BEST3: variants seen among roughly 807,000 people sequenced by gnomAD.
The protein encoded by BEST3 is bestrophin 3.
In BEST3, 50 loss-of-function variants were observed where a neutral mutation model predicts 47.1. The ratio of observed to expected loss-of-function variants is 1.06; its 90% CI spans 0.85 to 1.34. The LOEUF is 1.34. BEST3 is among the 40% of genes most tolerant of loss of function. The probability of loss-of-function intolerance (pLI) is 0.00; values close to 1 mark genes in which losing one functional copy is unlikely to be tolerated. For missense variants in BEST3, 765 were observed against 817.0 expected, an observed-to-expected ratio of 0.94 and a Z score of 0.78; for synonymous variants, 282 against 298.8, an observed-to-expected ratio of 0.94 and a Z score of 0.58.
At chr12:69,688,339 T>C (rs1885754325) in intron 4 of BEST3, among the ~76,000 whole-genome samples, 1 of 152,252 alleles carries the variant, frequency 6.6e-6, no homozygotes, top group Non-Finnish European at 1.5e-5. Context: ...CTGTTGCAGT[T>C]TCTCTGATAA....
At chr12:69,685,288 A>G (rs1013612454) in intron 4 of BEST3, among the ~76,000 whole-genome samples, 1 of 152,206 alleles carries the variant, frequency 6.6e-6, no homozygotes, top group Non-Finnish European at 1.5e-5. Flanking sequence ...TGCCTTCTCC[A>G]TAATCACACA....
intron 9 of BEST3, among the ~76,000 whole-genome samples, chr12:69,645,136 A>G (rs1056235380): frequency 3.9e-5 from 6 of 152,312 alleles, no homozygotes; most frequent in Admixed American, 2.0e-4. Context: ...GGGATGGCCA[A>G]TTGAATTACA....
In BEST3 at chr12:69,694,447, A is replaced by G. The variant is rs763900208; in HGVS notation, c.170T>C (p.Val57Ala). The G allele has an allele frequency of 6.2e-7, 1 of 1,602,476 alleles. No individual in the cohort carries two copies. Residue 57 changes from valine to alanine, a missense_variant, in exon 3 of 10, where the codon GTC (valine) becomes GCC (alanine). Coordinates refer to ENST00000330891, the MANE Select transcript of BEST3 (RefSeq NM_032735.3). The stretch of plus-strand genomic sequence containing the variant: ...TAATTTTTCAAAGTAACGTTTTTGG[A>G]CTCCTGTAAGTAACAATCTGGAGCA... ...SLVYRLLLTG[V>A]QKRYFEKLSI...
chr12:69,669,932 A>C (rs1884455740), intron 9 of BEST3: 2 of 152,738 alleles, frequency 1.3e-5, no homozygotes. Context: ...AATGGACATA[A>C]GAAATAGAGT....
intron 5 of BEST3, among the ~76,000 whole-genome samples, 188 bp from the exon 6 acceptor site, chr12:69,677,445 TGA>T (rs1225042454): frequency 6.6e-6 from 1 of 152,106 alleles, no homozygotes; most frequent in Non-Finnish European, 1.5e-5. Context: ...ATTGGAGCAA[TGA>T]GTTTGTTGAC....
chr12:69,675,675 T>C (rs1256375609), intron 7 of BEST3, among the ~76,000 whole-genome samples: 2 of 152,282 alleles, frequency 1.3e-5, no homozygotes, highest in African/African-American at 4.8e-5. Flanking sequence ...TAGTCTCTTC[T>C]GCTTTCTTGC....
In BEST3 at chr12:69,697,782, GAGTA is replaced by G. The variant is rs1886190177; in HGVS notation, c.13_16del (p.Tyr5ProfsTer4). 2 of 1,607,068 alleles carry G rather than the reference GAGTA, an allele frequency of 1.2e-6. No homozygotes were observed. The highest frequency in any genetic ancestry group is 1.7e-5 in the Admixed American group (1 of 58,046). Reference sequence around the variant, plus strand: ...AAAAGTTGCATTTGCTACTTTACTGGAGTAAGTGACAGTCATCTTGGATAGTTTT... The same window carrying G: ...AAAAGTTGCATTTGCTACTTTACTGGAGTGACAGTCATCTTGGATAGTTTT... On this transcript the variant is annotated frameshift_variant, in exon 2 of 10. Coordinates refer to ENST00000330891, the MANE Select transcript of BEST3 (RefSeq NM_032735.3). LOFTEE classifies it high-confidence loss of function.
At chr12:69,647,713 T>C (rs1380528810) in intron 9 of BEST3, among the ~76,000 whole-genome samples, 1 of 152,104 alleles carries the variant, frequency 6.6e-6, no homozygotes, top group East Asian at 1.9e-4. Context: ...GGATTTCTCA[T>C]ACAAAACTTC....
chr12:69,683,885 T>C (rs968046857), intron 4 of BEST3: 1 of 152,094 alleles, frequency 6.6e-6, no homozygotes, highest in African/African-American at 2.4e-5. Context: ...TGAAAGAAAA[T>C]CTCTAGGTTG....
chr12:69,651,784 AAG>A (rs1256890134), downstream of BEST3, among the ~76,000 whole-genome samples: 3,266 of 63,066 alleles, frequency 0.052, 44 homozygotes, highest in Middle Eastern at 0.17. Flanking sequence ...TCAAAAAAAA[AAG>A]AAAAAAAAAA....
rs201055197 is a variant in BEST3, at chr12:69,678,789, G to T, written c.586C>A (p.Arg196=). 5 of 1,613,892 alleles carry T rather than the reference G, an allele frequency of 3.1e-6. No homozygotes were observed. In the Admixed American group the frequency reaches 8.3e-5, roughly 27 times the overall value. ...IWFGNLATKA[R]NEGRIRDSVD... ...CTGTCTCTGATTCTACCTTCATTCC[G>T]GGCTTTAGTTGCAAGATTTCCAAAC... is the stretch of plus-strand genomic sequence containing the variant. The change falls in exon 5 of 10, where the codon CGG becomes AGG. Residue 196 remains arginine (R), a synonymous_variant. Transcript: ENST00000330891.
At chr12:69,687,373 C>T (rs1885677174) in intron 4 of BEST3, 1 of 152,158 alleles carries the variant, frequency 6.6e-6, no homozygotes, top group Admixed American at 6.6e-5. Flanking sequence ...TGGCTCACAC[C>T]AGAAATCCCA....
At chr12:69,645,214 C>T (rs1017852399) in intron 9 of BEST3, among the ~76,000 whole-genome samples, 12 of 152,168 alleles carry the variant, frequency 7.9e-5, no homozygotes, top group African/African-American at 2.9e-4. Flanking sequence ...TACCACACAT[C>T]CGCTAGAGGA....
intron 7 of BEST3, among the ~76,000 whole-genome samples, chr12:69,674,077 G>T (rs759337943): frequency 6.6e-6 from 1 of 151,988 alleles, no homozygotes; most frequent in African/African-American, 2.4e-5. Flanking sequence ...GTGTGTGTGC[G>T]TGAGAGAGAG....
chr12:69,694,915 T>A (rs1343195784), intron 2 of BEST3, among the ~76,000 whole-genome samples: 1 of 152,194 alleles, frequency 6.6e-6, no homozygotes, highest in Admixed American at 6.5e-5. Flanking sequence ...ATATGCAACT[T>A]AGCACATTCT....
At chr12:69,647,977 A>C (rs1433326054) in intron 9 of BEST3, among the ~76,000 whole-genome samples, 1 of 152,260 alleles carries the variant, frequency 6.6e-6, no homozygotes, top group Non-Finnish European at 1.5e-5. Flanking sequence ...AAGAGTCCTA[A>C]AAGGATGCAC....
At chr12:69,685,950 G>A (rs1301864084) in intron 4 of BEST3, among the ~76,000 whole-genome samples, 2 of 152,146 alleles carry the variant, frequency 1.3e-5, no homozygotes, top group Non-Finnish European at 2.9e-5. Flanking sequence ...TCTCTCATGT[G>A]CAGAGCAACT....
At chr12:69,657,917 T>C (rs1046297443) in intron 9 of BEST3, among the ~76,000 whole-genome samples, 2 of 152,100 alleles carry the variant, frequency 1.3e-5, no homozygotes, top group Admixed American at 1.3e-4. Context: ...TGTGTGAGGG[T>C]CAGATTCTAT....
chr12:69,657,977 C>A (rs1402979560), intron 9 of BEST3, among the ~76,000 whole-genome samples: 1 of 152,120 alleles, frequency 6.6e-6, no homozygotes, highest in Non-Finnish European at 1.5e-5. Context: ...CTTGGTGACC[C>A]TGCTGGGTGG....
Sources: gnomAD v4.1 joint callset for allele counts (sites outside exome capture counted in the v4.1 genomes callset) on GRCh38, gnomAD v4.1.1 for gene constraint, MANE v1.5 for transcripts, NCBI Gene and HGNC (gene_info 2026-07-23, HGNC 2026-07-21) for gene names.